MTSS1: variants seen among roughly 807,000 people sequenced by gnomAD.
MTSS1 encodes MTSS I-BAR domain containing 1.
Under a neutral mutation model 79.0 loss-of-function variants are expected in MTSS1, and 18 were observed. The ratio of observed to expected loss-of-function variants is 0.23; its 90% CI spans 0.16 to 0.34. The LOEUF (loss-of-function observed/expected upper bound fraction) is 0.34, where lower values mean the gene tolerates loss of function less well. Ranked by LOEUF, MTSS1 falls within the 10% of genes least tolerant of loss-of-function variation. The probability of loss-of-function intolerance (pLI) is 1.00; values close to 1 mark genes in which losing one functional copy is unlikely to be tolerated. For synonymous variants in MTSS1, 341 were observed against 368.6 expected (o/e 0.93, Z 0.86); for missense variants, 815 against 986.2 (o/e 0.83, Z 2.33).
chr8:124,651,685 C>T (rs192024731), intron 3 of MTSS1, among the ~76,000 whole-genome samples: 1 of 152,286 alleles, frequency 6.6e-6, no homozygotes, highest in East Asian at 1.9e-4. Flanking sequence ...CAGACAGTAC[C>T]AGCCATGGAG....
chr8:124,690,192 C>T (rs951274123), intron 3 of MTSS1, among the ~76,000 whole-genome samples: 1 of 152,206 alleles, frequency 6.6e-6, no homozygotes, highest in Non-Finnish European at 1.5e-5. Context: ...CATAATTCAC[C>T]GGCATTGATG....
At chr8:124,581,879 C>T (rs1830111922) in intron 6 of MTSS1, among the ~76,000 whole-genome samples, 1 of 152,186 alleles carries the variant, frequency 6.6e-6, no homozygotes, top group Admixed American at 6.5e-5. Context: ...ATTTCTGATG[C>T]TCTCTCTTAC....
intron 3 of MTSS1, among the ~76,000 whole-genome samples, chr8:124,650,308 C>T (rs766033806): frequency 9.2e-5 from 14 of 152,060 alleles, no homozygotes; most frequent in Non-Finnish European, 1.8e-4. Flanking sequence ...GGATTGCAGG[C>T]GTGAGCCACC....
chr8:124,622,309 A>T (rs184443546), intron 3 of MTSS1, among the ~76,000 whole-genome samples: 114 of 151,162 alleles, frequency 7.5e-4, no homozygotes, highest in Middle Eastern at 6.8e-3. Context: ...ACCAAGGAGC[A>T]GGGGTGGGGG....
At chr8:124,659,323 G>T (rs80129973) in intron 3 of MTSS1, among the ~76,000 whole-genome samples, 2 of 152,100 alleles carry the variant, frequency 1.3e-5, no homozygotes, top group Non-Finnish European at 2.9e-5. Flanking sequence ...GTGTATCTGA[G>T]AATTTATAGT....
intron 3 of MTSS1, among the ~76,000 whole-genome samples, chr8:124,612,574 A>ATGTGTGTG (rs58367314): frequency 0.013 from 1,343 of 99,546 alleles, 17 homozygotes; most frequent in Non-Finnish European, 0.018. Context: ...CAAGTTTAAA[A>ATGTGTGTG]TGTGTGTGTG....
intron 3 of MTSS1, among the ~76,000 whole-genome samples, chr8:124,651,480 T>C (rs1819961601): frequency 6.6e-6 from 1 of 151,200 alleles, no homozygotes; most frequent in Non-Finnish European, 1.5e-5. Context: ...GGGAGGGGCA[T>C]AGATTACTAC....
intron 1 of MTSS1, among the ~76,000 whole-genome samples, chr8:124,709,513 A>G (rs756633718): frequency 2.0e-5 from 3 of 152,214 alleles, no homozygotes; most frequent in Non-Finnish European, 4.4e-5. Flanking sequence ...CCAAAGTCAC[A>G]AGGCAAAATG....
intron 8 of MTSS1, 159 bp from the exon 9 acceptor site, chr8:124,565,918 G>A (rs1293297393): frequency 5.6e-6 from 3 of 536,360 alleles, no homozygotes; most frequent in Non-Finnish European, 1.0e-5. Context: ...AAGAGCCACA[G>A]TACCAAATCC....
chr8:124,671,591 C>T (rs1481749397), intron 3 of MTSS1, among the ~76,000 whole-genome samples: 1 of 152,172 alleles, frequency 6.6e-6, no homozygotes, highest in East Asian at 1.9e-4. Context: ...CAGAGTGTTC[C>T]AGGACATTCC....
chr8:124,726,099 T>C (rs1014149795), intron 1 of MTSS1, among the ~76,000 whole-genome samples: 2 of 152,176 alleles, frequency 1.3e-5, no homozygotes, highest in African/African-American at 4.8e-5. Context: ...TGACTGGGCA[T>C]TAAAGAAAAT....
intron 10 of MTSS1, among the ~76,000 whole-genome samples, chr8:124,559,186 C>T (rs1406351307): frequency 2.0e-5 from 3 of 152,176 alleles, no homozygotes; most frequent in Non-Finnish European, 4.4e-5. Context: ...ATTGGGACTT[C>T]GTGCTCTCTT....
chr8:124,635,780 T>C (rs1319484756), intron 3 of MTSS1, among the ~76,000 whole-genome samples: 2 of 152,100 alleles, frequency 1.3e-5, no homozygotes, highest in Admixed American at 1.3e-4. Flanking sequence ...TATTTGTAGA[T>C]GGAATCAACT....
At chr8:124,662,129 A>G (rs1444501480) in intron 3 of MTSS1, among the ~76,000 whole-genome samples, 2 of 152,160 alleles carry the variant, frequency 1.3e-5, no homozygotes, top group East Asian at 1.9e-4. Flanking sequence ...ATGTGCTACA[A>G]CGTTCCAGGG....
At chr8:124,650,617 T>G (rs1469672103) in intron 3 of MTSS1, among the ~76,000 whole-genome samples, 4 of 152,178 alleles carry the variant, frequency 2.6e-5, no homozygotes, top group African/African-American at 9.7e-5. Context: ...CCCAGCCTTC[T>G]GCCATGCACG....
chr8:124,601,107 C>A (rs1430698641), intron 3 of MTSS1, among the ~76,000 whole-genome samples: 1 of 131,150 alleles, frequency 7.6e-6, no homozygotes, highest in Non-Finnish European at 1.5e-5. Context: ...GTTGCCTAGG[C>A]TGGAGTGCAG....
In MTSS1 at chr8:124,556,333, G is replaced by A. The variant is rs779624283; in HGVS notation, c.1303C>T (p.Pro435Ser). The A allele has an allele frequency of 3.1e-6, 5 of 1,614,218 alleles. No homozygotes were observed. Among genetic ancestry groups the A allele is most frequent in the South Asian group, 1.1e-5 (1 of 91,084 alleles). Residue 435 changes from proline (P) to serine (S), a missense_variant, in exon 12 of 14, where the codon CCG becomes TCG. Physicochemically the swap from Pro to Ser is moderately conservative, Grantham distance 74. Transcript: ENST00000518547. The part of the protein sequence containing the change: ...TLQRRKEKRE[P>S]DPNGGGPTTA... Reference sequence around the variant, plus strand: ...GTGGGTCCTCCCCCGTTGGGGTCCGGTTCTCGCTTCTCTTTGCGGCGCTGC... The same window carrying A: ...GTGGGTCCTCCCCCGTTGGGGTCCGATTCTCGCTTCTCTTTGCGGCGCTGC...
At chr8:124,679,616 T>C (rs1313654453) in intron 3 of MTSS1, among the ~76,000 whole-genome samples, 1 of 152,248 alleles carries the variant, frequency 6.6e-6, no homozygotes, top group African/African-American at 2.4e-5. Context: ...CTGTGGAACA[T>C]GTTCAGAGCA....
At chr8:124,692,029 ATTT>A (rs540850674) in intron 3 of MTSS1, among the ~76,000 whole-genome samples, 15 of 136,346 alleles carry the variant, frequency 1.1e-4, no homozygotes, top group Middle Eastern at 3.9e-3. Context: ...AATTACCCTG[ATTT>A]TTTTTTTTTT....
Sources: gnomAD v4.1 joint callset for allele counts (sites outside exome capture counted in the v4.1 genomes callset) on GRCh38, gnomAD v4.1.1 for gene constraint, MANE v1.5 for transcripts, NCBI Gene and HGNC (gene_info 2026-07-23, HGNC 2026-07-21) for gene names.